The following RANBP2 variants were observed in gnomAD, a reference collection of about 807,000 sequenced individuals.
RANBP2 encodes RAN binding protein 2, also known as E3 SUMO-protein ligase RanBP2.
A neutral mutation model predicts 303.6 loss-of-function variants in RANBP2; 57 were observed. The observed-to-expected ratio is 0.19, with a 90% CI of 0.15 to 0.23. RANBP2 has a LOEUF of 0.23. Ranked by LOEUF, RANBP2 falls within the 10% of genes least tolerant of loss-of-function variation. RANBP2 has a pLI of 1.00. For synonymous variants in RANBP2, 1,167 were observed against 1,301.5 expected, an observed-to-expected ratio of 0.90 and a Z score of 2.23; for missense variants, 3,138 against 3,780.8, an observed-to-expected ratio of 0.83 and a Z score of 4.46.
At chr2:108,995,699 A>T in the RANBP2 span, among the ~76,000 whole-genome samples, 3 of 152,280 alleles carry the variant, frequency 2.0e-5, no homozygotes, top group African/African-American at 7.2e-5. Flanking sequence ...GAACTGTCCA[A>T]TGAGCCACAG....
the RANBP2 span, among the ~76,000 whole-genome samples, chr2:108,843,217 G>T: frequency 6.6e-5 from 10 of 152,130 alleles, no homozygotes; most frequent in African/African-American, 2.4e-4. Flanking sequence ...GAGTGCAGTG[G>T]CATGATCTTG....
chr2:108,742,018 C>T (rs546142046), intron 7 of RANBP2, among the ~76,000 whole-genome samples: 14 of 151,594 alleles, frequency 9.2e-5, no homozygotes, highest in African/African-American at 2.2e-4. Flanking sequence ...CTTTTTGAGA[C>T]GGGGTTTTGC....
chr2:108,881,804 A>T, the RANBP2 span, among the ~76,000 whole-genome samples: 2 of 152,198 alleles, frequency 1.3e-5, no homozygotes, highest in Non-Finnish European at 2.9e-5. Flanking sequence ...TTGCTGTCTT[A>T]CATGGGTGTG....
chr2:108,788,307 C>T (rs189007668), downstream of RANBP2, among the ~76,000 whole-genome samples: 165 of 152,184 alleles, frequency 1.1e-3, 1 homozygote, highest in Non-Finnish European at 2.0e-3. Context: ...GTAATCCCAA[C>T]TGCTGGGAAG....
At chr2:109,731,809 G>A in the RANBP2 span, among the ~76,000 whole-genome samples, 1 of 151,760 alleles carries the variant, frequency 6.6e-6, no homozygotes, top group South Asian at 2.1e-4. Context: ...TTAAGCTGGA[G>A]GGTTTGATAC....
chr2:109,639,436 T>C, the RANBP2 span, among the ~76,000 whole-genome samples: 1 of 151,976 alleles, frequency 6.6e-6, no homozygotes, highest in East Asian at 2.0e-4. Context: ...CTGGCCAACA[T>C]GGTGAAACCC....
At chr2:109,495,521 TCA>T in the RANBP2 span, among the ~76,000 whole-genome samples, 1 of 79,618 alleles carries the variant, frequency 1.3e-5, no homozygotes, top group Non-Finnish European at 2.2e-5. Flanking sequence ...AGACAAAGTC[TCA>T]CTCTGTCTGC....
At chr2:109,680,127 C>T in the RANBP2 span, among the ~76,000 whole-genome samples, 12 of 149,952 alleles carry the variant, frequency 8.0e-5, no homozygotes, top group South Asian at 2.1e-4. Context: ...AGGCAGATCA[C>T]GAGGTCAGGA....
the RANBP2 span, among the ~76,000 whole-genome samples, chr2:109,176,618 T>A: frequency 6.6e-6 from 1 of 152,138 alleles, no homozygotes; most frequent in Non-Finnish European, 1.5e-5. Context: ...ATGCCTGTAG[T>A]CCCAGCAACC....
chr2:109,242,579 G>A, the RANBP2 span, among the ~76,000 whole-genome samples: 2 of 152,224 alleles, frequency 1.3e-5, no homozygotes, highest in African/African-American at 2.4e-5. Context: ...CGTGCCCCAG[G>A]CCGGCCTAGC....
chr2:109,150,112 A>G, the RANBP2 span, among the ~76,000 whole-genome samples: 1 of 152,208 alleles, frequency 6.6e-6, no homozygotes, highest in Admixed American at 6.5e-5. Flanking sequence ...TCTAAACTGC[A>G]GAAGGCCAAC....
chr2:109,373,422 G>A, the RANBP2 span, among the ~76,000 whole-genome samples: 1 of 152,208 alleles, frequency 6.6e-6, no homozygotes, highest in Admixed American at 6.5e-5. Context: ...CATCAACAGT[G>A]GGATGGCTGA....
At chr2:108,819,194 C>T in the RANBP2 span, among the ~76,000 whole-genome samples, 69 of 152,248 alleles carry the variant, frequency 4.5e-4, no homozygotes, top group Non-Finnish European at 8.5e-4. Context: ...AGTTGAGAAG[C>T]TGCAGCACTC....
At chr2:109,016,479 T>C in the RANBP2 span, among the ~76,000 whole-genome samples, 1 of 152,212 alleles carries the variant, frequency 6.6e-6, no homozygotes, top group East Asian at 1.9e-4. Context: ...TTCCTCACCA[T>C]TTGATTTGAG....
At chr2:109,174,063 A>G in the RANBP2 span, among the ~76,000 whole-genome samples, 2 of 152,220 alleles carry the variant, frequency 1.3e-5, no homozygotes, top group Middle Eastern at 3.2e-3. Context: ...CTGCTCCCAC[A>G]GTGTCCCCAT....
chr2:109,449,049 C>T, the RANBP2 span: 1 of 1,225,394 alleles, frequency 8.2e-7, no homozygotes, highest in Admixed American at 2.5e-5. Context: ...TCTGGAGAAA[C>T]TTCAGAGAGA....
At chr2:109,676,346 C>G in the RANBP2 span, among the ~76,000 whole-genome samples, 2 of 152,216 alleles carry the variant, frequency 1.3e-5, no homozygotes, top group Admixed American at 1.3e-4. Flanking sequence ...TGCTCTCAGG[C>G]CCTCCAACTC....
the RANBP2 span, chr2:108,929,380 C>T: frequency 6.2e-7 from 1 of 1,614,114 alleles, no homozygotes; most frequent in Non-Finnish European, 8.5e-7. Flanking sequence ...AGCCACAGGA[C>T]TGTCCAGGGA....
chr2:109,004,186 G>C, the RANBP2 span, among the ~76,000 whole-genome samples: 4 of 152,182 alleles, frequency 2.6e-5, no homozygotes, highest in Non-Finnish European at 4.4e-5. Context: ...GGAGCTCATG[G>C]CAACTTCGTA....
Sources: gnomAD v4.1 joint callset for allele counts (sites outside exome capture counted in the v4.1 genomes callset) on GRCh38, gnomAD v4.1.1 for gene constraint, MANE v1.5 for transcripts, NCBI Gene and HGNC (gene_info 2026-07-23, HGNC 2026-07-21) for gene names.